Variants in CCSER1 observed in about 807,000 individuals in gnomAD.
CCSER1 encodes the protein serine-rich coiled-coil domain-containing protein 1.
Under a neutral mutation model 82.0 loss-of-function variants are expected in CCSER1, and 41 were observed. That is an observed-to-expected ratio of 0.50 (90% CI 0.39 to 0.65). CCSER1 has a LOEUF of 0.65. Among genes scored for constraint, CCSER1 ranks in the 30% least tolerant of loss-of-function variants. The pLI, the probability that CCSER1 is intolerant of heterozygous loss-of-function variation, is 0.00. For missense variants in CCSER1, 1,119 were observed against 1,064.2 expected (o/e 1.05, Z -0.72); for synonymous variants, 414 against 383.9 (o/e 1.08, Z -0.92).
chr4:90,222,303 C>A (rs936971056), intron 1 of CCSER1, among the ~76,000 whole-genome samples: 2 of 152,138 alleles, frequency 1.3e-5, no homozygotes, highest in African/African-American at 4.8e-5. Context: ...CTATCCATTC[C>A]TATCTTTTGT....
intron 4 of CCSER1, among the ~76,000 whole-genome samples, chr4:90,401,041 T>A (rs1472385821): frequency 1.3e-5 from 2 of 152,176 alleles, no homozygotes; most frequent in East Asian, 3.9e-4. Context: ...TATGATGAAT[T>A]TTCATTTATG....
intron 5 of CCSER1, among the ~76,000 whole-genome samples, chr4:90,545,884 T>C (rs2153638033): frequency 6.6e-6 from 1 of 152,286 alleles, no homozygotes; most frequent in South Asian, 2.1e-4. Flanking sequence ...TATTTTCCTC[T>C]AGGGAAATTC....
chr4:90,533,379 G>C (rs909398480), intron 5 of CCSER1, among the ~76,000 whole-genome samples: 1 of 152,304 alleles, frequency 6.6e-6, no homozygotes, highest in Admixed American at 6.5e-5. Context: ...ACAGGCGTGA[G>C]CCACTGCTCC....
At chr4:90,195,265 T>C (rs548241005) in intron 1 of CCSER1, among the ~76,000 whole-genome samples, 1 of 152,166 alleles carries the variant, frequency 6.6e-6, no homozygotes, top group South Asian at 2.1e-4. Context: ...AATGATTCAG[T>C]GTTAAAAAAC....
chr4:90,736,822 T>G (rs1745729687), intron 7 of CCSER1, among the ~76,000 whole-genome samples: 1 of 152,092 alleles, frequency 6.6e-6, no homozygotes, highest in African/African-American at 2.4e-5. Flanking sequence ...TCTGGTGGTA[T>G]GTTCTGATTT....
chr4:90,573,268 A>T (rs2148583824), intron 5 of CCSER1, among the ~76,000 whole-genome samples: 1 of 152,352 alleles, frequency 6.6e-6, no homozygotes, highest in African/African-American at 2.4e-5. Flanking sequence ...GTGGCCTGTT[A>T]CAGCAGGCAT....
At chr4:90,735,660 T>G (rs191628338) in intron 7 of CCSER1, among the ~76,000 whole-genome samples, 314 of 152,246 alleles carry the variant, frequency 2.1e-3, no homozygotes, top group Non-Finnish European at 3.0e-3. Flanking sequence ...TAATGTCTCC[T>G]TTTTCATCTC....
intron 7 of CCSER1, among the ~76,000 whole-genome samples, chr4:90,777,585 CTG>C (rs1370789683): frequency 6.6e-6 from 1 of 152,000 alleles, no homozygotes; most frequent in Non-Finnish European, 1.5e-5. Flanking sequence ...ATATACTTAA[CTG>C]TGTGACTTTG....
At chr4:90,429,954 G>A (rs906642662) in intron 4 of CCSER1, among the ~76,000 whole-genome samples, 11 of 151,762 alleles carry the variant, frequency 7.2e-5, no homozygotes, top group African/African-American at 2.7e-4. Flanking sequence ...GACACTATGT[G>A]TTGAGGAAAG....
intron 9 of CCSER1, among the ~76,000 whole-genome samples, chr4:90,966,021 A>T (rs1466779997): frequency 6.6e-6 from 1 of 152,124 alleles, no homozygotes; most frequent in Admixed American, 6.5e-5. Context: ...GCAAATAAAT[A>T]ATCAGTTAAA....
chr4:91,601,781 C>A lies in CCSER1; in HGVS notation c.*2724C>A, dbSNP rs1764828267. Reference sequence around the variant, plus strand: ...CCTAAATAACCCTGTAAAATTTCTGCTGCAAATTGTCTCTTCTGAATTTAG... The same window carrying A: ...CCTAAATAACCCTGTAAAATTTCTGATGCAAATTGTCTCTTCTGAATTTAG... On this transcript the variant is annotated 3_prime_UTR_variant, in exon 11 of 11. Transcript: ENST00000509176. 1 of 152,014 alleles carries A rather than the reference C, an allele frequency of 6.6e-6. No homozygotes were observed. Among genetic ancestry groups the A allele is most frequent in the African/African-American group, 2.4e-5 (1 of 41,414 alleles). 9.4% of individuals were successfully genotyped at this position (152,014 alleles called of 1,614,324 possible).
chr4:90,420,918 T>A (rs1007262887), intron 4 of CCSER1, among the ~76,000 whole-genome samples: 7 of 152,098 alleles, frequency 4.6e-5, no homozygotes, highest in Non-Finnish European at 2.9e-5. Flanking sequence ...CAATATAAAA[T>A]TTCATGGCCT....
intron 10 of CCSER1, among the ~76,000 whole-genome samples, chr4:91,431,262 A>C (rs991566481): frequency 2.6e-5 from 4 of 152,128 alleles, no homozygotes; most frequent in Admixed American, 6.6e-5. Flanking sequence ...ACAACAACAA[A>C]AACAAACATA....
At chr4:91,419,273 G>A (rs945328741) in intron 10 of CCSER1, among the ~76,000 whole-genome samples, 8 of 151,900 alleles carry the variant, frequency 5.3e-5, no homozygotes, top group African/African-American at 1.4e-4. Context: ...CATTCAAATT[G>A]GAAAGGAAGA....
intron 10 of CCSER1, among the ~76,000 whole-genome samples, chr4:91,156,816 T>C (rs2148966574): frequency 6.6e-6 from 1 of 152,068 alleles, no homozygotes; most frequent in Non-Finnish European, 1.5e-5. Flanking sequence ...TTTCATTTGC[T>C]GCCACCTTTT....
chr4:90,966,339 G>A (rs1447631000), intron 9 of CCSER1, among the ~76,000 whole-genome samples: 5 of 151,942 alleles, frequency 3.3e-5, no homozygotes, highest in Non-Finnish European at 7.4e-5. Flanking sequence ...AAAAAAAAAT[G>A]TGAAGACAGC....
chr4:90,143,433 A>C (rs1388610878), intron 1 of CCSER1, among the ~76,000 whole-genome samples: 1 of 151,362 alleles, frequency 6.6e-6, no homozygotes, highest in Non-Finnish European at 1.5e-5. Context: ...TCCTGAGAAC[A>C]CAGTTCATGT....
chr4:90,440,257 C>T (rs1388380893), intron 4 of CCSER1, among the ~76,000 whole-genome samples: 1 of 152,104 alleles, frequency 6.6e-6, no homozygotes, highest in African/African-American at 2.4e-5. Context: ...CTCCTGTCTC[C>T]ACTTCCCAAA....
chr4:90,559,802 T>A (rs1417576928), intron 5 of CCSER1, among the ~76,000 whole-genome samples: 13 of 94,460 alleles, frequency 1.4e-4, no homozygotes, highest in South Asian at 3.8e-4. Flanking sequence ...AGACCGAGAC[T>A]CCGTCTCAAA....
Sources: allele counts gnomAD v4.1 joint callset (sites outside exome capture counted in the v4.1 genomes callset), GRCh38; gene constraint gnomAD v4.1.1; transcripts MANE v1.5; gene names NCBI Gene and HGNC (gene_info 2026-07-23, HGNC 2026-07-21).